The following BLTP3B variants were observed in gnomAD, a reference collection of about 807,000 sequenced individuals.
BLTP3B encodes UHRF1 (ICBP90) binding protein 1-like.
At chr12:100,069,638 A>G in the BLTP3B span, among the ~76,000 whole-genome samples, 2 of 152,136 alleles carry the variant, frequency 1.3e-5, no homozygotes, top group African/African-American at 2.4e-5. Context: ...GTTCTTCCTC[A>G]TAACTGGGAG....
At chr12:100,095,615 T>A in the BLTP3B span, 6 of 1,562,942 alleles carry the variant, frequency 3.8e-6, no homozygotes, top group Non-Finnish European at 5.2e-6. Flanking sequence ...TTCTAATTTT[T>A]AAACTATTTT....
chr12:100,050,262 C>G, the BLTP3B span: 2 of 1,611,168 alleles, frequency 1.2e-6, no homozygotes, highest in South Asian at 2.2e-5. Flanking sequence ...CTGTATCTTC[C>G]CCTCGGATGT....
chr12:100,059,836 T>G, the BLTP3B span: 12 of 1,597,674 alleles, frequency 7.5e-6, no homozygotes, highest in East Asian at 2.2e-5. Context: ...TACTACTACT[T>G]GTTTGTATGA....
At chr12:100,097,541 T>G in the BLTP3B span, 2 of 1,551,322 alleles carry the variant, frequency 1.3e-6, no homozygotes, top group Admixed American at 2.1e-5. Context: ...CACTTACTCA[T>G]GCAAAACAGA....
the BLTP3B span, chr12:100,070,206 A>C: frequency 6.5e-7 from 1 of 1,547,490 alleles, no homozygotes; most frequent in East Asian, 2.4e-5. Context: ...ACAGATAAAC[A>C]AAACAAAACA....
chr12:100,038,145 T>C, the BLTP3B span, among the ~76,000 whole-genome samples: 3 of 152,158 alleles, frequency 2.0e-5, no homozygotes, highest in Admixed American at 6.6e-5. Flanking sequence ...GTATGCCCTT[T>C]TCATCTTTTC....
At chr12:100,047,810 T>C in the BLTP3B span, 1 of 1,174,708 alleles carries the variant, frequency 8.5e-7, no homozygotes, top group Non-Finnish European at 1.2e-6. Flanking sequence ...CTACATCATT[T>C]ACCAAAAAAG....
At chr12:100,142,107 A>G in the BLTP3B span, among the ~76,000 whole-genome samples, 1 of 152,198 alleles carries the variant, frequency 6.6e-6, no homozygotes. Flanking sequence ...TCACAAGGTT[A>G]ACGTTCCACT....
At chr12:100,089,013 T>G in the BLTP3B span, 1 of 1,611,824 alleles carries the variant, frequency 6.2e-7, no homozygotes, top group Non-Finnish European at 8.5e-7. Flanking sequence ...ATTGAATAGT[T>G]TCACAATTGC....
the BLTP3B span, among the ~76,000 whole-genome samples, chr12:100,083,905 T>A: frequency 6.6e-6 from 1 of 152,290 alleles, no homozygotes; most frequent in Non-Finnish European, 1.5e-5. Flanking sequence ...ATACTTGGCT[T>A]AGGCCGGGCG....
chr12:100,113,548 T>C, the BLTP3B span, among the ~76,000 whole-genome samples: 2 of 152,188 alleles, frequency 1.3e-5, no homozygotes, highest in African/African-American at 4.8e-5. Context: ...ATCTGTAACA[T>C]GGGGATAATA....
At chr12:100,048,746 G>C in the BLTP3B span, among the ~76,000 whole-genome samples, 7 of 137,016 alleles carry the variant, frequency 5.1e-5, no homozygotes, top group African/African-American at 2.0e-4. Flanking sequence ...GAGAGAGAGA[G>C]AGAGAGAGAG....
the BLTP3B span, among the ~76,000 whole-genome samples, chr12:100,039,352 AT>A: frequency 2.3e-3 from 350 of 152,334 alleles, 8 homozygotes; most frequent in East Asian, 0.039. Flanking sequence ...ATTTTTTCAA[AT>A]AAAAAATCTA....
the BLTP3B span, among the ~76,000 whole-genome samples, chr12:100,094,902 T>C: frequency 6.6e-6 from 1 of 152,178 alleles, no homozygotes; most frequent in African/African-American, 2.4e-5. Context: ...CAAAGCTGGA[T>C]CACCAACAAG....
At chr12:100,038,373 T>C in the BLTP3B span, among the ~76,000 whole-genome samples, 6 of 152,294 alleles carry the variant, frequency 3.9e-5, no homozygotes, top group Non-Finnish European at 7.4e-5. Context: ...TTCGCTCTTG[T>C]TGCCCAGGCT....
At chr12:100,142,527 C>T in the BLTP3B span, 1 of 1,559,056 alleles carries the variant, frequency 6.4e-7, no homozygotes, top group Non-Finnish European at 8.7e-7. Context: ...CCCGAAGCCG[C>T]AGGCTGACTC....
At chr12:100,121,000 T>C in the BLTP3B span, among the ~76,000 whole-genome samples, 1 of 152,226 alleles carries the variant, frequency 6.6e-6, no homozygotes, top group East Asian at 1.9e-4. Context: ...TGCAAGATAA[T>C]AATGCTGAGT....
chr12:100,047,515 G>C, the BLTP3B span: 1 of 1,569,220 alleles, frequency 6.4e-7, no homozygotes, highest in Non-Finnish European at 8.8e-7. Context: ...TAAACAAATA[G>C]TTTTTCATAT....
the BLTP3B span, among the ~76,000 whole-genome samples, chr12:100,121,531 T>A: frequency 4.1e-3 from 620 of 152,186 alleles, 8 homozygotes; most frequent in African/African-American, 0.014. Flanking sequence ...TGATTACATA[T>A]ATGTTAAAAT....
Sources: gnomAD v4.1 joint callset for allele counts (sites outside exome capture counted in the v4.1 genomes callset) on GRCh38, gnomAD v4.1.1 for gene constraint, MANE v1.5 for transcripts, NCBI Gene and HGNC (gene_info 2026-07-23, HGNC 2026-07-21) for gene names.